The following XRCC4 variants were observed in gnomAD, a reference collection of about 807,000 sequenced individuals.
XRCC4 encodes DNA repair protein XRCC4.
In XRCC4, 28 loss-of-function variants were observed where a neutral mutation model predicts 39.1. The observed-to-expected ratio is 0.72, with a 90% CI of 0.53 to 0.98. XRCC4 has a LOEUF of 0.98. Ranked by LOEUF, XRCC4 falls within the 50% of genes least tolerant of loss-of-function variation. The pLI, the probability that XRCC4 is intolerant of heterozygous loss-of-function variation, is 0.00. For synonymous variants in XRCC4, 123 were observed against 126.4 expected, an observed-to-expected ratio of 0.97 and a Z score of 0.18; for missense variants, 350 against 376.4, an observed-to-expected ratio of 0.93 and a Z score of 0.58.
chr5:83,126,789 G>A (rs1456988878), intron 3 of XRCC4, among the ~76,000 whole-genome samples: 1 of 152,192 alleles, frequency 6.6e-6, no homozygotes, highest in African/African-American at 2.4e-5. Context: ...ATGGGGGCAG[G>A]AATGTCCAAA....
chr5:83,292,955 T>G (rs1027889989), intron 7 of XRCC4, among the ~76,000 whole-genome samples: 4 of 152,004 alleles, frequency 2.6e-5, no homozygotes, highest in Admixed American at 2.6e-4. Context: ...CTGTATATGG[T>G]AATCTAGGTA....
chr5:83,270,450 C>T (rs1169919191), intron 7 of XRCC4, among the ~76,000 whole-genome samples: 1 of 152,172 alleles, frequency 6.6e-6, no homozygotes, highest in Non-Finnish European at 1.5e-5. Context: ...ATGCTTTCTA[C>T]TTCTGCTGCC....
chr5:83,178,554 A>G (rs1389204499), intron 3 of XRCC4, among the ~76,000 whole-genome samples: 2 of 152,186 alleles, frequency 1.3e-5, no homozygotes, highest in East Asian at 3.9e-4. Flanking sequence ...GCAAAATAAA[A>G]ACCGTGACAT....
At chr5:83,209,803 T>C (rs1189186222) in intron 6 of XRCC4, among the ~76,000 whole-genome samples, 1 of 152,138 alleles carries the variant, frequency 6.6e-6, no homozygotes, top group African/African-American at 2.4e-5. Context: ...TAAGAAATCT[T>C]TTCTAGAATG....
chr5:83,265,882 C>A (rs1010415355), intron 7 of XRCC4, among the ~76,000 whole-genome samples: 4 of 152,028 alleles, frequency 2.6e-5, no homozygotes, highest in African/African-American at 9.7e-5. Context: ...ACCCTGGGAA[C>A]AACCCTTACT....
rs766102269 is a variant in XRCC4, at chr5:83,313,566, T to G, written c.894-39565T>G. ...TATTAGGCCTACTGTGGAGACATAC[T>G]GCTCAGAAAAAAAAGATTCCTTTCA... On this transcript the variant is annotated intron_variant, in intron 7 of 7. Transcript: ENST00000396027. 5.8e-4 allele frequency among the ~76,000 whole-genome samples: 88 copies of G among 152,270 alleles called. 1 individual carries two copies. The highest frequency in any genetic ancestry group is 1.1e-3 in the Non-Finnish European group (78 of 68,006).
chr5:83,354,603 C>T (rs28360351), downstream of XRCC4, among the ~76,000 whole-genome samples: 23 of 152,210 alleles, frequency 1.5e-4, no homozygotes, highest in East Asian at 4.2e-3. Context: ...AAAATACAGA[C>T]GAGTATAGCT....
At chr5:83,217,833 A>G (rs1294292174) in intron 6 of XRCC4, among the ~76,000 whole-genome samples, 4 of 152,086 alleles carry the variant, frequency 2.6e-5, no homozygotes, top group African/African-American at 9.7e-5. Flanking sequence ...TGTAGGTATA[A>G]CACTTGTTCT....
At chr5:83,176,411 TTAAAAA>T (rs2112635560) in intron 3 of XRCC4, among the ~76,000 whole-genome samples, 1 of 152,150 alleles carries the variant, frequency 6.6e-6, no homozygotes, top group East Asian at 1.9e-4. Flanking sequence ...CCCATAAAAA[TTAAAAA>T]TAAAAATAAA....
At chr5:83,345,161 T>A (rs1156762352) in intron 7 of XRCC4, among the ~76,000 whole-genome samples, 1 of 152,210 alleles carries the variant, frequency 6.6e-6, no homozygotes, top group South Asian at 2.1e-4. Flanking sequence ...TCACAGTTTG[T>A]GACTTGTCAT....
chr5:83,323,023 G>C (rs764520417), intron 7 of XRCC4, among the ~76,000 whole-genome samples: 3 of 152,130 alleles, frequency 2.0e-5, no homozygotes, highest in Non-Finnish European at 4.4e-5. Flanking sequence ...TACAGCAAGA[G>C]CCCTATTCGA....
chr5:83,287,306 G>A (rs1204702893), intron 7 of XRCC4, among the ~76,000 whole-genome samples: 2 of 152,108 alleles, frequency 1.3e-5, no homozygotes, highest in East Asian at 3.9e-4. Flanking sequence ...ATCATTGGCC[G>A]AAGCTTAGCC....
chr5:83,312,966 T>G (rs1303917552), intron 7 of XRCC4, among the ~76,000 whole-genome samples: 2 of 152,144 alleles, frequency 1.3e-5, no homozygotes, highest in African/African-American at 4.8e-5. Flanking sequence ...AAAATTCATT[T>G]TGCGGATGCT....
intron 3 of XRCC4, among the ~76,000 whole-genome samples, chr5:83,192,224 C>A (rs1217419377): frequency 7.4e-6 from 1 of 135,642 alleles, no homozygotes; most frequent in Non-Finnish European, 1.6e-5. Context: ...TATGTATATG[C>A]ATATATGTAT....
intron 7 of XRCC4, among the ~76,000 whole-genome samples, chr5:83,333,468 T>C (rs1360412707): frequency 6.6e-6 from 1 of 152,194 alleles, no homozygotes; most frequent in Non-Finnish European, 1.5e-5. Context: ...ATAATAACCA[T>C]TTATTTTATG....
intron 3 of XRCC4, among the ~76,000 whole-genome samples, chr5:83,154,651 G>C (rs1452395197): frequency 6.6e-6 from 1 of 151,980 alleles, no homozygotes; most frequent in Admixed American, 6.6e-5. Context: ...TTTGTCTTTA[G>C]TTATATTATG....
intron 5 of XRCC4, among the ~76,000 whole-genome samples, chr5:83,204,042 A>G (rs188742321): frequency 1.3e-5 from 2 of 152,320 alleles, no homozygotes; most frequent in African/African-American, 4.8e-5. Context: ...GCATATTTGT[A>G]ATCTTGATGT....
intron 7 of XRCC4, among the ~76,000 whole-genome samples, chr5:83,284,014 C>A (rs1232203813): frequency 9.9e-6 from 1 of 101,346 alleles, no homozygotes; most frequent in African/African-American, 4.0e-5. Flanking sequence ...GATTCATAAA[C>A]TTAAGTCACT....
At chr5:83,354,842 TC>T (rs1757172017), downstream of XRCC4, among the ~76,000 whole-genome samples, 1 of 152,134 alleles carries the variant, frequency 6.6e-6, no homozygotes, top group African/African-American at 2.4e-5. Context: ...TTTGTGTCTC[TC>T]TACTGCAGCT....
Sources: allele counts gnomAD v4.1 joint callset (sites outside exome capture counted in the v4.1 genomes callset), GRCh38; gene constraint gnomAD v4.1.1; transcripts MANE v1.5; gene names NCBI Gene and HGNC (gene_info 2026-07-23, HGNC 2026-07-21).